Variants in BMF observed in about 807,000 individuals in gnomAD.
BMF encodes bcl-2-modifying factor.
Under a neutral mutation model 22.0 loss-of-function variants are expected in BMF, and 10 were observed. The observed-to-expected ratio is 0.45, with a 90% CI of 0.28 to 0.77. The LOEUF (loss-of-function observed/expected upper bound fraction) is 0.77. Ranked by LOEUF, BMF falls within the 30% of genes least tolerant of loss-of-function variation. BMF has a pLI of 0.13. For missense variants in BMF, 206 were observed against 226.8 expected, an observed-to-expected ratio of 0.91 and a Z score of 0.59; for synonymous variants, 87 against 88.1, an observed-to-expected ratio of 0.99 and a Z score of 0.07.
At chr15:40,096,532 TG>T (rs1278307096) in intron 4 of BMF, among the ~76,000 whole-genome samples, 1 of 152,232 alleles carries the variant, frequency 6.6e-6, no homozygotes, top group Non-Finnish European at 1.5e-5. Context: ...TTTCTTCTCA[TG>T]TGATCCTCAC....
intron 4 of BMF, among the ~76,000 whole-genome samples, chr15:40,097,856 C>G (rs1040870721): frequency 1.3e-5 from 2 of 152,168 alleles, no homozygotes; most frequent in Non-Finnish European, 2.9e-5. Flanking sequence ...TCCCGGCAGA[C>G]TCACGAAATC....
At chr15:40,102,529 C>T (rs495654) in intron 4 of BMF, among the ~76,000 whole-genome samples, 1 of 151,888 alleles carries the variant, frequency 6.6e-6, no homozygotes, top group Non-Finnish European at 1.5e-5. Flanking sequence ...TAGTCCTGTG[C>T]CAGGGAGGGC....
In BMF at chr15:40,104,301, G is replaced by A. The variant is rs749452663; in HGVS notation, c.332C>T (p.Pro111Leu). 5.0e-6 allele frequency: 8 copies of A among 1,614,070 alleles called. No individual in the cohort carries two copies. The highest frequency in any genetic ancestry group is 1.7e-5 in the Admixed American group (1 of 60,004). Residue 111 changes from proline (P) to leucine (L), a missense_variant, in exon 4 of 5, where the codon CCA (proline) becomes CTA (leucine). Physicochemically the swap from Pro to Leu is moderately conservative, Grantham distance 98. Transcript: ENST00000354670. ...CTGCTCCCCAATGGGCAAGACTGCT[G>A]GGAAACTGGCAGGGAGAGGAAGCCG... ...GYRLPLPASFPAVLPIGEQPP... is the reference protein window; with the variant it reads ...GYRLPLPASFLAVLPIGEQPP...
chr15:40,106,664 C>T lies in BMF; in HGVS notation c.-5-573G>A, dbSNP rs1044489514. 3 of 152,538 alleles carry T rather than the reference C, an allele frequency of 2.0e-5. No homozygotes were observed. The highest frequency in any genetic ancestry group is 7.2e-5 in the African/African-American group (3 of 41,448). 9.4% of individuals were successfully genotyped at this position (152,538 alleles called of 1,614,324 possible). On this transcript the variant is annotated intron_variant, in intron 2 of 4. Coordinates refer to ENST00000354670, the MANE Select transcript of BMF (RefSeq NM_001003940.2). The surrounding 1 kb of genome is among the most constrained non-coding windows in gnomAD (Gnocchi z 4.1). ...GGACAGCCAGGTTCCCTCCAAACCTCTAAGCCCCGCCCTGCTGCCCATCTA... is the reference window on the plus strand; with the variant it reads ...GGACAGCCAGGTTCCCTCCAAACCTTTAAGCCCCGCCCTGCTGCCCATCTA...
intron 4 of BMF, among the ~76,000 whole-genome samples, chr15:40,096,694 T>A (rs1343247220): frequency 6.6e-6 from 1 of 152,214 alleles, no homozygotes; most frequent in Non-Finnish European, 1.5e-5. Flanking sequence ...TTACAGTGTG[T>A]TTATTGACAT....
Position 40,091,706 on chromosome 15 carries a change from G to T in BMF, c.*81C>A. 1 of 1,004,302 alleles carries T rather than the reference G, an allele frequency of 1.0e-6. No individual in the cohort carries two copies. The highest frequency in any genetic ancestry group is 1.5e-6 in the Non-Finnish European group (1 of 677,402). The allele number at this position is 1,004,302 out of a possible 1,614,324, so 62.2% of individuals were successfully genotyped here. ...TAACAACAAAAAAACAATTTCACAA[G>T]ACACAGTGTCAGTCCTGCCCGATGT... On this transcript the variant is annotated 3_prime_UTR_variant, in exon 5 of 5. Coordinates refer to ENST00000354670, the MANE Select transcript of BMF (RefSeq NM_001003940.2).
chr15:40,093,948 C>T (rs1223818076), intron 4 of BMF, among the ~76,000 whole-genome samples: 1 of 152,172 alleles, frequency 6.6e-6, no homozygotes, highest in African/African-American at 2.4e-5. Flanking sequence ...CATTACTTAG[C>T]GACCACATAG....
chr15:40,105,758 T>C (rs772128507), intron 3 of BMF, 37 bp downstream of exon 3: 3 of 1,540,430 alleles, frequency 1.9e-6, no homozygotes, highest in Non-Finnish European at 1.8e-6. Context: ...TTTCCCCCAG[T>C]CTCTATGGGA....
intron 4 of BMF, among the ~76,000 whole-genome samples, chr15:40,096,582 G>C (rs2036366932): frequency 6.6e-6 from 1 of 152,192 alleles, no homozygotes; most frequent in Non-Finnish European, 1.5e-5. Context: ...ATTTTAGAGC[G>C]ACGGAAACAA....
At position 40,106,898 on chromosome 15, in the gene BMF, CACG is replaced by C. The variant is rs1276105804; in HGVS notation, c.-5-810_-5-808del. Among the ~76,000 whole-genome samples, 6 of 152,178 alleles carry C rather than the reference CACG, an allele frequency of 3.9e-5. No individual in the cohort carries two copies. Among genetic ancestry groups the C allele is most frequent in the African/African-American group, 1.4e-4 (6 of 41,438 alleles). On this transcript the variant is annotated intron_variant, in intron 2 of 4. Transcript: ENST00000354670. The surrounding 1 kb of genome is among the most constrained non-coding windows in gnomAD (Gnocchi z 4.1). Reference sequence around the variant, plus strand: ...CCAACTAAGTCTCCTCACTAGTCTCCACGACTTCAAATCCCTGATTCCACAGCC... The same window carrying C: ...CCAACTAAGTCTCCTCACTAGTCTCCACTTCAAATCCCTGATTCCACAGCC...
intron 2 of BMF, 40 bp downstream of exon 2, chr15:40,108,219 A>AACACAC (rs140876953): frequency 0.037 from 5,374 of 145,088 alleles, 148 homozygotes; most frequent in African/African-American, 0.07. Context: ...AGTGACTAGG[A>AACACAC]ACACACACAC....
intron 3 of BMF, 75 bp downstream of exon 3, chr15:40,105,720 G>C: frequency 2.7e-6 from 4 of 1,473,270 alleles, no homozygotes; most frequent in Non-Finnish European, 3.6e-6. Context: ...ACAGCAAAGG[G>C]CAGGTTTGGG....
intron 4 of BMF, among the ~76,000 whole-genome samples, chr15:40,098,288 G>C (rs952508816): frequency 1.3e-5 from 2 of 152,162 alleles, no homozygotes; most frequent in Admixed American, 1.3e-4. Flanking sequence ...GAGCTGTGCT[G>C]CACCATCCAT....
In BMF at chr15:40,090,440, A is replaced by AT. The variant is rs2036210286; in HGVS notation, c.*1346_*1347insA. The AT allele has an allele frequency of 6.6e-6, 1 of 152,630 alleles. No individual in the cohort carries two copies. Among genetic ancestry groups the AT allele is most frequent in the Admixed American group, 6.5e-5 (1 of 15,288 alleles). 9.5% of individuals were successfully genotyped at this position (152,630 alleles called of 1,614,324 possible). ...CTCACATATGCAAAAGTTATAATTTAGTTTCTAGCGTCTGGTTAACAGATT... is the reference window on the plus strand; with the variant it reads ...CTCACATATGCAAAAGTTATAATTTATGTTTCTAGCGTCTGGTTAACAGATT... On this transcript the variant is annotated 3_prime_UTR_variant, in exon 5 of 5. Coordinates refer to ENST00000354670, the MANE Select transcript of BMF (RefSeq NM_001003940.2).
In BMF at chr15:40,089,997, G is replaced by A. The variant is rs1180764810; in HGVS notation, c.*1790C>T. ...AGGTAATATCCAGAATATCTGAGCA[G>A]AACAAAACAAAGGCTTACATGCACA... On this transcript the variant is annotated 3_prime_UTR_variant, in exon 5 of 5. Coordinates refer to ENST00000354670, the MANE Select transcript of BMF (RefSeq NM_001003940.2). The A allele has an allele frequency of 1.3e-5, 2 of 152,654 alleles. No individual in the cohort carries two copies. Among genetic ancestry groups the A allele is most frequent in the African/African-American group, 4.8e-5 (2 of 41,456 alleles). The allele number at this position is 152,654 out of a possible 1,614,324, so 9.5% of individuals were successfully genotyped here. A position where few individuals can be genotyped will look rare whatever the true frequency, so the allele number is the denominator to read the frequency against.
intron 4 of BMF, among the ~76,000 whole-genome samples, chr15:40,092,334 C>T (rs1430017392): frequency 1.3e-5 from 2 of 150,240 alleles, no homozygotes; most frequent in South Asian, 4.1e-4. Context: ...AAAGGGGGGG[C>T]CTCCATCTGC....
intron 4 of BMF, among the ~76,000 whole-genome samples, chr15:40,102,280 T>C (rs1170768699): frequency 2.0e-5 from 3 of 151,808 alleles, no homozygotes; most frequent in African/African-American, 7.3e-5. Context: ...AGTACAAAAA[T>C]TAGCCAGGTG....
chr15:40,107,579 G>GT (rs2036614788), intron 2 of BMF, among the ~76,000 whole-genome samples: 1 of 119,700 alleles, frequency 8.4e-6, no homozygotes, highest in Non-Finnish European at 1.8e-5. Flanking sequence ...TGTGTGTATG[G>GT]GGAGGGGGGT....
At chr15:40,104,026 C>A (rs996408456) in intron 4 of BMF, among the ~76,000 whole-genome samples, 154 bp downstream of exon 4, 18 of 152,198 alleles carry the variant, frequency 1.2e-4, no homozygotes, top group African/African-American at 4.3e-4. Context: ...GCCAGTTAGG[C>A]CCCTCCTGCC....
Sources: allele counts gnomAD v4.1 joint callset (sites outside exome capture counted in the v4.1 genomes callset), GRCh38; gene constraint gnomAD v4.1.1; non-coding constraint Gnocchi (gnomAD v3.1); transcripts MANE v1.5; gene names NCBI Gene and HGNC (gene_info 2026-07-23, HGNC 2026-07-21).